AGMO: variants seen among roughly 807,000 people sequenced by gnomAD.
AGMO encodes alkylglycerol monooxygenase.
AGMO carries 75 observed loss-of-function variants against 60.2 expected under a neutral mutation model. That is an observed-to-expected ratio of 1.25 (90% CI 1.03 to 1.51). The LOEUF is 1.51. AGMO is among the 40% of genes most tolerant of loss of function. The probability of loss-of-function intolerance (pLI) is 0.00; values close to 1 mark genes in which losing one functional copy is unlikely to be tolerated. For synonymous variants in AGMO, 261 were observed against 177.1 expected (o/e 1.47, Z -3.76); for missense variants, 763 against 525.5 (o/e 1.45, Z -4.42).
intron 6 of AGMO, among the ~76,000 whole-genome samples, chr7:15,391,682 A>G (rs560379579): frequency 6.6e-6 from 1 of 152,286 alleles, no homozygotes; most frequent in East Asian, 1.9e-4. Context: ...AAAATCTCCC[A>G]TAGTATAAAA....
At chr7:15,234,739 G>C (rs897261058) in intron 12 of AGMO, among the ~76,000 whole-genome samples, 2 of 152,048 alleles carry the variant, frequency 1.3e-5, no homozygotes, top group African/African-American at 4.8e-5. Flanking sequence ...AAGAGGAGTT[G>C]CTATGTTTCA....
chr7:15,379,403 T>A (rs1238382168), intron 10 of AGMO, among the ~76,000 whole-genome samples: 2 of 151,812 alleles, frequency 1.3e-5, no homozygotes, highest in Non-Finnish European at 2.9e-5. Context: ...AAGATTCAAA[T>A]AAACAGTATC....
intron 3 of AGMO, among the ~76,000 whole-genome samples, chr7:15,438,626 C>T (rs900915997): frequency 3.9e-5 from 6 of 152,232 alleles, no homozygotes; most frequent in South Asian, 2.1e-4. Context: ...GCCTTCTTCA[C>T]GGTCTCGCTG....
intron 12 of AGMO, among the ~76,000 whole-genome samples, chr7:15,331,974 C>A (rs1781509122): frequency 6.6e-6 from 1 of 151,684 alleles, no homozygotes; most frequent in Non-Finnish European, 1.5e-5. Flanking sequence ...GGAATGGGAG[C>A]AGAGGTGAAA....
chr7:15,364,271 T>C (rs1021259288), intron 12 of AGMO, among the ~76,000 whole-genome samples: 1 of 151,972 alleles, frequency 6.6e-6, no homozygotes, highest in Non-Finnish European at 1.5e-5. Flanking sequence ...CATGTTAGGT[T>C]TTGTTTATCT....
chr7:15,309,918 A>G (rs1209790989), intron 12 of AGMO, among the ~76,000 whole-genome samples: 1 of 152,184 alleles, frequency 6.6e-6, no homozygotes, highest in Non-Finnish European at 1.5e-5. Context: ...TTTTCCCAAT[A>G]TCATCTTTGC....
At chr7:15,388,332 A>C (rs927528959) in intron 8 of AGMO, among the ~76,000 whole-genome samples, 9 of 152,134 alleles carry the variant, frequency 5.9e-5, no homozygotes, top group Non-Finnish European at 1.2e-4. Context: ...AATTGGAAAA[A>C]TTAAAAAAAT....
chr7:15,373,510 G>T (rs1483011413), intron 10 of AGMO, among the ~76,000 whole-genome samples: 2 of 151,978 alleles, frequency 1.3e-5, no homozygotes, highest in Non-Finnish European at 2.9e-5. Flanking sequence ...TTCTTCTTTT[G>T]CCCACAGATA....
At chr7:15,250,900 G>A (rs1782912613) in intron 12 of AGMO, among the ~76,000 whole-genome samples, 1 of 151,538 alleles carries the variant, frequency 6.6e-6, no homozygotes, top group African/African-American at 2.4e-5. Flanking sequence ...AGCCGAGATT[G>A]CACCACTGCA....
intron 3 of AGMO, among the ~76,000 whole-genome samples, chr7:15,534,622 T>C (rs1326001252): frequency 6.6e-6 from 1 of 151,884 alleles, no homozygotes; most frequent in East Asian, 1.9e-4. Flanking sequence ...CAAAGATAAT[T>C]CCATTACAAT....
intron 4 of AGMO, among the ~76,000 whole-genome samples, chr7:15,423,558 C>T (rs1168643621): frequency 6.6e-6 from 1 of 152,206 alleles, no homozygotes; most frequent in Non-Finnish European, 1.5e-5. Context: ...GAGACCCTGG[C>T]ACCCAGTACC....
intron 3 of AGMO, among the ~76,000 whole-genome samples, chr7:15,437,931 G>C (rs765190311): frequency 1.3e-5 from 2 of 152,066 alleles, no homozygotes; most frequent in Non-Finnish European, 2.9e-5. Context: ...TAAAACTGTG[G>C]CAAACACTAT....
At position 15,560,121 on chromosome 7, in the gene AGMO, T is replaced by G. The variant is rs984931999; in HGVS notation, c.257+20A>C. The G allele has an allele frequency of 3.1e-6, 5 of 1,592,906 alleles. No individual in the cohort carries two copies. The African/African-American group carries it at 6.7e-5, about 21-fold the overall frequency. ...GCAATTTCAGTTTTTATGCTCAGCG[T>G]TGTTGACCATCTAACTCACCTTGGA... is the stretch of plus-strand genomic sequence containing the variant. On this transcript the variant is annotated intron_variant, in intron 2 of 12. Transcript: ENST00000342526.
At chr7:15,146,875 C>G in the AGMO span, among the ~76,000 whole-genome samples, 1 of 152,138 alleles carries the variant, frequency 6.6e-6, no homozygotes, top group Admixed American at 6.5e-5. Context: ...ACACTATATT[C>G]AGTGAAATGT....
chr7:15,328,767 A>G (rs577074366), intron 12 of AGMO, among the ~76,000 whole-genome samples: 2 of 152,262 alleles, frequency 1.3e-5, no homozygotes, highest in Admixed American at 6.5e-5. Flanking sequence ...AGTTTCCCAT[A>G]TATTACTGAC....
At chr7:15,281,601 G>A (rs780777927) in intron 12 of AGMO, among the ~76,000 whole-genome samples, 23 of 152,036 alleles carry the variant, frequency 1.5e-4, no homozygotes, top group Non-Finnish European at 2.9e-4. Flanking sequence ...CTGAGGTGGC[G>A]CCTACTCTTT....
chr7:15,126,635 C>T, the AGMO span, among the ~76,000 whole-genome samples: 8 of 152,106 alleles, frequency 5.3e-5, no homozygotes, highest in African/African-American at 1.9e-4. Context: ...TTTATTTAAC[C>T]GTGGATATTG....
At chr7:15,268,149 A>G (rs1783488812) in intron 12 of AGMO, among the ~76,000 whole-genome samples, 1 of 151,928 alleles carries the variant, frequency 6.6e-6, no homozygotes, top group African/African-American at 2.4e-5. Flanking sequence ...TCCCTTTCTG[A>G]TTGCCTGTTA....
chr7:15,302,953 T>A (rs986197158), intron 12 of AGMO, among the ~76,000 whole-genome samples: 5 of 152,140 alleles, frequency 3.3e-5, no homozygotes, highest in Non-Finnish European at 7.3e-5. Flanking sequence ...TTGTAATCAG[T>A]ACAAAACCAC....
Sources: gnomAD v4.1 joint callset for allele counts (sites outside exome capture counted in the v4.1 genomes callset) on GRCh38, gnomAD v4.1.1 for gene constraint, MANE v1.5 for transcripts, NCBI Gene and HGNC (gene_info 2026-07-23, HGNC 2026-07-21) for gene names.